Variants in DMD observed in about 807,000 individuals in gnomAD.
DMD encodes the protein mutant dystrophin.
In DMD, 63 loss-of-function variants were observed where a neutral mutation model predicts 330.1. The observed-to-expected ratio is 0.19, with a 90% CI of 0.16 to 0.24. The LOEUF (loss-of-function observed/expected upper bound fraction) is 0.24, where lower values mean the gene tolerates loss of function less well. DMD is among the 10% of genes least tolerant of loss of function. The pLI is 1.00. For synonymous variants in DMD, 1,223 were observed against 959.8 expected, an observed-to-expected ratio of 1.27 and a Z score of -5.07; for missense variants, 3,344 against 2,684.1, an observed-to-expected ratio of 1.25 and a Z score of -5.43.
At chrX:33,154,378 C>A (rs1238534693) in intron 1 of DMD, among the ~76,000 whole-genome samples, 1 of 111,466 alleles carries the variant, frequency 9.0e-6, no homozygotes, top group Non-Finnish European at 1.9e-5. Context: ...GCCTGGGCAG[C>A]AAAACGAGCA....
chrX:31,840,258 G>A, intron 48 of DMD, among the ~76,000 whole-genome samples: 1 of 111,420 alleles, frequency 9.0e-6, no homozygotes, highest in Non-Finnish European at 1.9e-5. Context: ...AAATTGGAGT[G>A]CGTATTCAAA....
chrX:32,374,636 G>A (rs1260571673), intron 34 of DMD, among the ~76,000 whole-genome samples: 1 of 111,645 alleles, frequency 9.0e-6, no homozygotes, highest in Admixed American at 9.5e-5. Flanking sequence ...TTATTTCTGA[G>A]TTCTCTATTC....
At position 31,985,684 on chromosome X, in the gene DMD, G is replaced by T. The variant is rs184891650; in HGVS notation, c.6439-17170C>A. 5.0e-4 allele frequency among the ~76,000 whole-genome samples: 56 copies of T among 112,271 alleles called. 1 individual carries two copies. The highest frequency in any genetic ancestry group is 1.7e-3 in the African/African-American group (52 of 30,938). ...TGCATCAGACAGTTCCTGACCTTAG[G>T]CATTTCATTGCAGGTATAGACAAAC... On this transcript the variant is annotated intron_variant, in intron 44 of 78. Transcript: ENST00000357033.
intron 12 of DMD, among the ~76,000 whole-genome samples, chrX:32,601,536 A>T (rs1226767432): frequency 8.9e-6 from 1 of 111,906 alleles, no homozygotes; most frequent in African/African-American, 3.2e-5. Context: ...TACGAAAAGA[A>T]ACTGTTTTAA....
chrX:32,358,858 T>C (rs1277492778), intron 37 of DMD, among the ~76,000 whole-genome samples: 1 of 112,010 alleles, frequency 8.9e-6, no homozygotes, highest in South Asian at 3.7e-4. Flanking sequence ...TGATATTAAT[T>C]ATTTTTAACC....
At chrX:32,836,379 C>A (rs1346578075) in intron 4 of DMD, among the ~76,000 whole-genome samples, 1 of 110,576 alleles carries the variant, frequency 9.0e-6, no homozygotes, top group Non-Finnish European at 1.9e-5. Flanking sequence ...TGTGTAAAAC[C>A]CGTTTTTGGT....
At chrX:32,520,748 G>T (rs2046338529) in intron 17 of DMD, among the ~76,000 whole-genome samples, 1 of 110,678 alleles carries the variant, frequency 9.0e-6, no homozygotes, top group Admixed American at 9.6e-5. Flanking sequence ...CAAATAAACT[G>T]CTTGCACCTA....
At chrX:32,781,409 A>G (rs2074745633) in intron 7 of DMD, among the ~76,000 whole-genome samples, 1 of 112,104 alleles carries the variant, frequency 8.9e-6, no homozygotes, top group Admixed American at 9.5e-5. Context: ...CTCTGTTAAT[A>G]TTGTACTAAA....
intron 62 of DMD, among the ~76,000 whole-genome samples, chrX:31,319,448 C>T (rs953693297): frequency 3.4e-4 from 38 of 111,971 alleles, no homozygotes; most frequent in African/African-American, 9.4e-4. Context: ...AATTAAAATG[C>T]CTATATTTAT....
At chrX:32,911,555 T>C (rs928882797) in intron 2 of DMD, among the ~76,000 whole-genome samples, 8 of 112,046 alleles carry the variant, frequency 7.1e-5, no homozygotes, top group Non-Finnish European at 1.1e-4. Flanking sequence ...ATAAAAATAA[T>C]GTATTCTAAA....
intron 1 of DMD, among the ~76,000 whole-genome samples, chrX:33,230,969 A>AT (rs1447219353): frequency 0.039 from 4,136 of 105,535 alleles, 198 homozygotes; most frequent in African/African-American, 0.15. Context: ...AAAAAAAAAA[A>AT]AAATAAATAA....
At chrX:33,250,235 G>A (rs1200945161) in intron 1 of DMD, among the ~76,000 whole-genome samples, 2 of 106,356 alleles carry the variant, frequency 1.9e-5, no homozygotes, top group Non-Finnish European at 3.8e-5. Context: ...GGGTTTGGGG[G>A]AGGTGAAAAT....
intron 11 of DMD, among the ~76,000 whole-genome samples, chrX:32,633,815 A>G (rs775553390): frequency 1.8e-5 from 2 of 111,231 alleles, no homozygotes; most frequent in South Asian, 7.7e-4. Context: ...CAAGAGTGAG[A>G]GGGAGGGTGC....
intron 59 of DMD, among the ~76,000 whole-genome samples, chrX:31,458,388 G>T (rs1444867325): frequency 1.8e-5 from 2 of 109,397 alleles, no homozygotes; most frequent in East Asian, 5.7e-4. Context: ...TCCTGTAATA[G>T]TCTGTTATGA....
At chrX:31,300,498 G>A (rs1366998415) in intron 62 of DMD, among the ~76,000 whole-genome samples, 1 of 112,007 alleles carries the variant, frequency 8.9e-6, no homozygotes, top group Non-Finnish European at 1.9e-5. Context: ...CTGATATTAA[G>A]CCAAGGGTAC....
At chrX:31,507,592 G>T (rs1290220803) in intron 55 of DMD, 139 bp from the exon 56 acceptor site, 3 of 602,358 alleles carry the variant, frequency 5.0e-6, no homozygotes, top group African/African-American at 4.5e-5. Flanking sequence ...CTAACAAGAA[G>T]ATACATCTCA....
intron 44 of DMD, among the ~76,000 whole-genome samples, chrX:32,121,620 CATATATATATATATATAT>C (rs10535803): frequency 0.021 from 752 of 36,428 alleles, 35 homozygotes; most frequent in African/African-American, 0.058. Context: ...AATATGTGTG[CATATATATATATATATAT>C]ATATATATAT....
At chrX:32,481,646 TA>T (rs961514721) in intron 21 of DMD, among the ~76,000 whole-genome samples, 4 of 111,848 alleles carry the variant, frequency 3.6e-5, no homozygotes, top group Non-Finnish European at 5.7e-5. Context: ...TCATTTCTCC[TA>T]ATGTCCTTTC....
chrX:33,231,054 C>T (rs1327227628), intron 1 of DMD, among the ~76,000 whole-genome samples: 1 of 111,471 alleles, frequency 9.0e-6, no homozygotes, highest in East Asian at 2.8e-4. Flanking sequence ...TAATGATGTG[C>T]TTGCATAGAA....
Sources: gnomAD v4.1 joint callset for allele counts (sites outside exome capture counted in the v4.1 genomes callset) on GRCh38, gnomAD v4.1.1 for gene constraint, MANE v1.5 for transcripts, NCBI Gene and HGNC (gene_info 2026-07-23, HGNC 2026-07-21) for gene names.